CARHSP1: variants seen among roughly 807,000 people sequenced by gnomAD.
CARHSP1 encodes calcium regulated heat stable protein 1.
Under a neutral mutation model 12.5 loss-of-function variants are expected in CARHSP1, and 14 were observed. The ratio of observed to expected loss-of-function variants is 1.12; its 90% CI spans 0.74 to 1.75. CARHSP1 has a LOEUF of 1.75. CARHSP1 is among the 40% of genes most tolerant of loss of function. The pLI, the probability that CARHSP1 is intolerant of heterozygous loss-of-function variation, is 0.00. For missense variants in CARHSP1, 343 were observed against 201.6 expected, an observed-to-expected ratio of 1.70 and a Z score of -4.25; for synonymous variants, 161 against 82.0, an observed-to-expected ratio of 1.96 and a Z score of -5.20.
chr16:8,855,106 T>C lies in CARHSP1; in HGVS notation c.*58A>G. ...GAAGAATGTCATCTCCAGTGTCTGC[T>C]GCCTCCTCCCTGCAAAGTCTCCCAC... On this transcript the variant is annotated 3_prime_UTR_variant, in exon 4 of 4. Transcript: ENST00000311052. The C allele has an allele frequency of 7.0e-7, 1 of 1,420,602 alleles. No homozygotes were observed. Among genetic ancestry groups the C allele is most frequent in the Non-Finnish European group, 9.4e-7 (1 of 1,062,610 alleles). The allele number at this position is 1,420,602 out of a possible 1,614,324, so 88.0% of individuals were successfully genotyped here.
At chr16:8,859,778 G>C (rs2061287896) in intron 1 of CARHSP1, 1 of 154,120 alleles carries the variant, frequency 6.5e-6, no homozygotes, top group African/African-American at 2.4e-5. Context: ...AGGAGTTCGA[G>C]ACTAGCCTGG....
chr16:8,861,577 G>T (rs1470116416), intron 1 of CARHSP1: 4 of 1,270,854 alleles, frequency 3.1e-6, no homozygotes, highest in Non-Finnish European at 4.1e-6. Context: ...CCCCTCCCCA[G>T]ACATTGCTGC....
chr16:8,867,349 G>A (rs767645489), intron 1 of CARHSP1: 1 of 152,312 alleles, frequency 6.6e-6, no homozygotes. Flanking sequence ...AAGGGGACAG[G>A]AGCGGTGCTG....
intron 3 of CARHSP1, 138 bp from the exon 4 acceptor site, chr16:8,855,464 AACTGCCCCTCCACCAGAGGGAGCTGCCAC>A: frequency 1.5e-6 from 1 of 688,920 alleles, no homozygotes. Context: ...CTTTCCAAAG[AACTGCCCCTCCACCAGAGGGAGCTGCCAC>A]ACTGCCCCCA....
Position 8,853,697 on chromosome 16 carries a change from A to G in CARHSP1, c.*1467T>C, listed in dbSNP as rs2061008470. 1 of 152,240 alleles carries G rather than the reference A, an allele frequency of 6.6e-6. No homozygotes were observed. 9.4% of individuals were successfully genotyped at this position (152,240 alleles called of 1,614,324 possible). A position where few individuals can be genotyped will look rare whatever the true frequency, so the allele number is the denominator to read the frequency against. On this transcript the variant is annotated 3_prime_UTR_variant, in exon 4 of 4. Coordinates refer to ENST00000311052, the MANE Select transcript of CARHSP1 (RefSeq NM_014316.4). ...ATATAGGTCATATATTTCAAAAAATAATGCCTAGCTATTTCTACTTTGAAA... is the reference window on the plus strand; with the variant it reads ...ATATAGGTCATATATTTCAAAAAATGATGCCTAGCTATTTCTACTTTGAAA...
chr16:8,859,672 G>A, intron 1 of CARHSP1: 1 of 188,172 alleles, frequency 5.3e-6, no homozygotes. Context: ...AAGGAGGAAG[G>A]TGAGCAGAAA....
chr16:8,859,647 G>T (rs951840600), intron 1 of CARHSP1, among the ~76,000 whole-genome samples: 3 of 152,072 alleles, frequency 2.0e-5, no homozygotes, highest in Non-Finnish European at 4.4e-5. Context: ...GGGACACATA[G>T]TATTTGTGGG....
intron 1 of CARHSP1, chr16:8,860,514 G>C (rs2061318304): frequency 2.0e-6 from 2 of 985,324 alleles, no homozygotes; most frequent in Admixed American, 6.1e-5. Context: ...AAGAGAAACA[G>C]TCCAGCAGTC....
rs575333217 is a variant in CARHSP1 at position 8,866,450 on chromosome 16, AACAG to A, written c.-8+2512_-8+2515del. The A allele has an allele frequency of 8.2e-3, 8,079 of 985,278 alleles. 50 individuals are homozygous for A. The highest frequency in any genetic ancestry group is 0.027 in the Middle Eastern group (51 of 1,912). The allele number at this position is 985,278 out of a possible 1,614,324, so 61.0% of individuals were successfully genotyped here. A position where few individuals can be genotyped will look rare whatever the true frequency, so the allele number is the denominator to read the frequency against. On this transcript the variant is annotated intron_variant, in intron 1 of 3. Coordinates refer to ENST00000311052, the MANE Select transcript of CARHSP1 (RefSeq NM_014316.4). The stretch of plus-strand genomic sequence containing the variant: ...AGTGCACCTGGGTTCCTCCTTTGTA[AACAG>A]ACAGAGACACTGAGCTGACCCATCC...
chr16:8,863,471 T>C (rs1438214929), intron 1 of CARHSP1, among the ~76,000 whole-genome samples: 1 of 152,182 alleles, frequency 6.6e-6, no homozygotes, highest in Non-Finnish European at 1.5e-5. Context: ...TGCCACTGCA[T>C]TGGTGTGCAC....
chr16:8,859,378 T>C (rs1359657423), intron 1 of CARHSP1, 43 bp from the exon 2 acceptor site: 1 of 1,559,124 alleles, frequency 6.4e-7, no homozygotes, highest in South Asian at 1.2e-5. Flanking sequence ...CCTTGCAAGG[T>C]AGGGACCCTG....
intron 1 of CARHSP1, among the ~76,000 whole-genome samples, chr16:8,865,811 T>G (rs2061445251): frequency 6.6e-6 from 1 of 152,244 alleles, no homozygotes; most frequent in Non-Finnish European, 1.5e-5. Flanking sequence ...TTAGCAGCCC[T>G]GTTTTACAGA....
chr16:8,857,155 C>T (rs558553240), intron 3 of CARHSP1, among the ~76,000 whole-genome samples: 1 of 152,022 alleles, frequency 6.6e-6, no homozygotes, highest in East Asian at 1.9e-4. Context: ...CTGCTGCTCA[C>T]ACACATGCAC....
chr16:8,867,958 T>C (rs1489996247), intron 1 of CARHSP1: 2 of 152,284 alleles, frequency 1.3e-5, no homozygotes, highest in African/African-American at 4.8e-5. Context: ...CCCTCTGGCT[T>C]CAGAGTGGCA....
Position 8,855,129 on chromosome 16 carries a change from C to A in CARHSP1, c.*35G>T. 6.7e-7 allele frequency: 1 copy of A among 1,487,876 alleles called. No homozygotes were observed. The highest frequency in any genetic ancestry group is 9.0e-7 in the Non-Finnish European group (1 of 1,107,692). The allele number at this position is 1,487,876 out of a possible 1,614,324, so 92.2% of individuals were successfully genotyped here. A position where few individuals can be genotyped will look rare whatever the true frequency, so the allele number is the denominator to read the frequency against. On this transcript the variant is annotated 3_prime_UTR_variant, in exon 4 of 4. Transcript: ENST00000311052. Reference sequence around the variant, plus strand: ...GCTGCCTCCTCCCTGCAAAGTCTCCCACAAGCACAGGACAAGGGGTGCTTC... The same window carrying A: ...GCTGCCTCCTCCCTGCAAAGTCTCCAACAAGCACAGGACAAGGGGTGCTTC...
intron 1 of CARHSP1, chr16:8,866,428 G>A (rs1312965152): frequency 2.0e-5 from 20 of 985,176 alleles, no homozygotes; most frequent in Non-Finnish European, 2.4e-5. Flanking sequence ...TTACCTTAGT[G>A]CACCTGGGTT....
At position 8,855,070 on chromosome 16, in the gene CARHSP1, C is replaced by G. The variant is rs562889818; in HGVS notation, c.*94G>C. The G allele has an allele frequency of 1.7e-6, 2 of 1,191,404 alleles. No homozygotes were observed. The highest frequency in any genetic ancestry group is 5.5e-5 in the Admixed American group (2 of 36,044). The allele number at this position is 1,191,404 out of a possible 1,614,324, so 73.8% of individuals were successfully genotyped here. On this transcript the variant is annotated 3_prime_UTR_variant, in exon 4 of 4. Transcript: ENST00000311052. ...GAGGGACCATGCCCGGCTGAAGCCC[C>G]GTCTCGTGTGGAAGAATGTCATCTC...
At position 8,858,487 on chromosome 16, in the gene CARHSP1, G is replaced by T; in HGVS notation, c.159-15C>A. 6.2e-7 allele frequency: 1 copy of T among 1,612,478 alleles called. No homozygotes were observed. Among genetic ancestry groups the T allele is most frequent in the South Asian group, 1.1e-5 (1 of 91,010 alleles). On this transcript the variant is annotated splice_polypyrimidine_tract_variant and intron_variant, in intron 2 of 3. Coordinates refer to ENST00000311052, the MANE Select transcript of CARHSP1 (RefSeq NM_014316.4). ...CCCGCACCGTCCTGACAGAGAGGGG[G>T]AAATGTCAGGGGCCCCATCAGCGCT...
chr16:8,853,029 C>T lies in CARHSP1; in HGVS notation c.*2135G>A, dbSNP rs188987611. On this transcript the variant is annotated 3_prime_UTR_variant, in exon 4 of 4. Coordinates refer to ENST00000311052, the MANE Select transcript of CARHSP1 (RefSeq NM_014316.4). The stretch of plus-strand genomic sequence containing the variant: ...TTCAGGAATCCTCAATTTTAGCTCT[C>T]GCTCTGTCACCAAAACCCTCCGTCC... 5.9e-5 allele frequency: 9 copies of T among 152,270 alleles called. No homozygotes were observed. In the East Asian group the frequency reaches 1.2e-3, roughly 20 times the overall value. 9.4% of individuals were successfully genotyped at this position (152,270 alleles called of 1,614,324 possible). A position where few individuals can be genotyped will look rare whatever the true frequency, so the allele number is the denominator to read the frequency against.
Sources: gnomAD v4.1 joint callset for allele counts (sites outside exome capture counted in the v4.1 genomes callset) on GRCh38, gnomAD v4.1.1 for gene constraint, MANE v1.5 for transcripts, NCBI Gene and HGNC (gene_info 2026-07-23, HGNC 2026-07-21) for gene names.